COL26A1: variants seen among roughly 807,000 people sequenced by gnomAD.
COL26A1 encodes collagen alpha-1(XXVI) chain.
Under a neutral mutation model 59.3 loss-of-function variants are expected in COL26A1, and 41 were observed. The ratio of observed to expected loss-of-function variants is 0.69; its 90% CI spans 0.54 to 0.90. COL26A1 has a LOEUF of 0.90. Ranked by LOEUF, COL26A1 falls within the 40% of genes least tolerant of loss-of-function variation. COL26A1 has a pLI of 0.00. For synonymous variants in COL26A1, 266 were observed against 256.0 expected, an observed-to-expected ratio of 1.04 and a Z score of -0.37; for missense variants, 612 against 602.3, an observed-to-expected ratio of 1.02 and a Z score of -0.17.
intron 3 of COL26A1, among the ~76,000 whole-genome samples, chr7:101,520,560 A>G (rs1029124678): frequency 4.6e-5 from 7 of 151,900 alleles, no homozygotes; most frequent in African/African-American, 1.7e-4. Context: ...GGTGGTGCAC[A>G]CCTGTACTCC....
intron 3 of COL26A1, among the ~76,000 whole-genome samples, chr7:101,463,825 CCTT>C (rs1264547131): frequency 2.8e-4 from 32 of 114,170 alleles, no homozygotes; most frequent in Non-Finnish European, 2.1e-4. Flanking sequence ...TCCCTCCCTT[CCTT>C]CCTCCTTCCT....
intron 2 of COL26A1, 115 bp from the exon 3 acceptor site, chr7:101,447,569 T>TG: frequency 4.4e-6 from 3 of 685,708 alleles, no homozygotes; most frequent in Middle Eastern, 2.7e-4. Context: ...TTCCACGCCA[T>TG]GGGGGCCTCC....
chr7:101,540,325 G>A (rs1795586801), intron 5 of COL26A1, among the ~76,000 whole-genome samples: 2 of 152,156 alleles, frequency 1.3e-5, no homozygotes, highest in African/African-American at 4.8e-5. Context: ...ATCATTTGAG[G>A]TCAGGAGTTC....
At chr7:101,502,195 A>T (rs1346550380) in intron 3 of COL26A1, among the ~76,000 whole-genome samples, 3 of 152,216 alleles carry the variant, frequency 2.0e-5, no homozygotes, top group Admixed American at 6.5e-5. Context: ...TACAAAAATT[A>T]TCTGAGCATG....
At chr7:101,363,483 C>T (rs1207346075) in intron 1 of COL26A1, among the ~76,000 whole-genome samples, 1 of 87,188 alleles carries the variant, frequency 1.1e-5, no homozygotes, top group African/African-American at 4.7e-5. Context: ...GTTGGGGTCA[C>T]GGGGGGAAAG....
At chr7:101,545,292 C>A in intron 6 of COL26A1, 46 bp from the exon 7 acceptor site, 1 of 1,513,844 alleles carries the variant, frequency 6.6e-7, no homozygotes, top group Non-Finnish European at 8.8e-7. Flanking sequence ...TGCAGCCACC[C>A]GCCAGGCTCC....
At chr7:101,520,664 C>CACACACACACACACACACACACACA (rs1554341000) in intron 3 of COL26A1, among the ~76,000 whole-genome samples, 1 of 95,888 alleles carries the variant, frequency 1.0e-5, no homozygotes, top group Admixed American at 9.8e-5. Flanking sequence ...ACACACACAC[C>CACACACACACACACACACACACACA]CCCGTGTTCT....
At chr7:101,372,807 G>A (rs560193807) in intron 1 of COL26A1, among the ~76,000 whole-genome samples, 2 of 152,162 alleles carry the variant, frequency 1.3e-5, no homozygotes, top group Admixed American at 6.6e-5. Flanking sequence ...ACCAGCCTGG[G>A]CAACACAGCA....
intron 3 of COL26A1, among the ~76,000 whole-genome samples, chr7:101,471,135 C>T (rs1353817839): frequency 6.6e-6 from 1 of 152,160 alleles, no homozygotes; most frequent in East Asian, 1.9e-4. Context: ...TCACTCGGGC[C>T]TTAAGGTCAA....
intron 7 of COL26A1, 110 bp from the exon 8 acceptor site, chr7:101,547,046 G>A: frequency 1.5e-6 from 1 of 678,588 alleles, no homozygotes; most frequent in Non-Finnish European, 2.5e-6. Flanking sequence ...GATGGGAGGA[G>A]CCCCCCTGGG....
intron 1 of COL26A1, among the ~76,000 whole-genome samples, chr7:101,399,175 G>A (rs574334294): frequency 3.4e-4 from 52 of 151,538 alleles, no homozygotes; most frequent in African/African-American, 1.2e-3. Flanking sequence ...GTGTGGTGGC[G>A]CAGGCCCATA....
At chr7:101,365,651 T>C (rs1791026858) in intron 1 of COL26A1, among the ~76,000 whole-genome samples, 1 of 152,092 alleles carries the variant, frequency 6.6e-6, no homozygotes, top group African/African-American at 2.4e-5. Flanking sequence ...CTCAAACTCC[T>C]GGCCTCAAAT....
chr7:101,396,376 C>T (rs1379611578), intron 1 of COL26A1, among the ~76,000 whole-genome samples: 1 of 152,168 alleles, frequency 6.6e-6, no homozygotes, highest in African/African-American at 2.4e-5. Context: ...TCCTAGTCTA[C>T]TGCCCAGCCT....
intron 1 of COL26A1, among the ~76,000 whole-genome samples, chr7:101,383,625 C>T (rs1413311801): frequency 6.6e-6 from 1 of 152,106 alleles, no homozygotes; most frequent in Non-Finnish European, 1.5e-5. Flanking sequence ...ATCTCTGCCT[C>T]CCCGGTTCAA....
At chr7:101,401,573 G>GAAGAGT (rs1355657384) in intron 1 of COL26A1, among the ~76,000 whole-genome samples, 13 of 138,846 alleles carry the variant, frequency 9.4e-5, no homozygotes, top group Admixed American at 4.2e-4. Context: ...AGAGAAAGAG[G>GAAGAGT]AGGAGGAAAA....
intron 1 of COL26A1, among the ~76,000 whole-genome samples, chr7:101,365,061 C>G (rs1488414776): frequency 6.6e-6 from 1 of 152,062 alleles, no homozygotes; most frequent in Non-Finnish European, 1.5e-5. Context: ...TAGGGCGGGA[C>G]CCAGAAAAGC....
chr7:101,508,532 G>C (rs866316097), intron 3 of COL26A1, among the ~76,000 whole-genome samples: 1 of 117,708 alleles, frequency 8.5e-6, no homozygotes, highest in African/African-American at 4.4e-5. Context: ...AAAAAAAAAA[G>C]ATGATGGTCT....
At chr7:101,545,273 T>G in intron 6 of COL26A1, 65 bp from the exon 7 acceptor site, 15 of 1,436,806 alleles carry the variant, frequency 1.0e-5, no homozygotes, top group South Asian at 4.2e-5. Flanking sequence ...AGTTTCCCCA[T>G]TTGTAAGTTG....
intron 5 of COL26A1, among the ~76,000 whole-genome samples, chr7:101,541,408 GATC>G (rs1795615135): frequency 6.6e-6 from 1 of 152,010 alleles, no homozygotes; most frequent in Non-Finnish European, 1.5e-5. Context: ...ACAGTAGTAT[GATC>G]ATAGTTCACT....
Sources: gnomAD v4.1 joint callset for allele counts (sites outside exome capture counted in the v4.1 genomes callset) on GRCh38, gnomAD v4.1.1 for gene constraint, MANE v1.5 for transcripts, NCBI Gene and HGNC (gene_info 2026-07-23, HGNC 2026-07-21) for gene names.